Variants in DENND5A observed in about 807,000 individuals in gnomAD.
DENND5A encodes the protein DENN domain-containing protein 5A.
In DENND5A, 64 loss-of-function variants were observed where a neutral mutation model predicts 140.3. The observed-to-expected ratio is 0.46, with a 90% confidence interval of 0.37 to 0.56. The LOEUF is 0.56. DENND5A is among the 20% of genes least tolerant of loss of function. The pLI, the probability that DENND5A is intolerant of heterozygous loss-of-function variation, is 0.00. For synonymous variants in DENND5A, 605 were observed against 607.7 expected, an observed-to-expected ratio of 1.00 and a Z score of 0.07; for missense variants, 1,292 against 1,593.8, an observed-to-expected ratio of 0.81 and a Z score of 3.22.
At chr11:9,261,885 T>C (rs1399751150) in intron 1 of DENND5A, among the ~76,000 whole-genome samples, 1 of 151,230 alleles carries the variant, frequency 6.6e-6, no homozygotes, top group African/African-American at 2.4e-5. Context: ...CTGCATACTC[T>C]AACAAAGGCC....
At chr11:9,187,631 A>G (rs1172007529) in intron 5 of DENND5A, among the ~76,000 whole-genome samples, 1 of 152,200 alleles carries the variant, frequency 6.6e-6, no homozygotes, top group African/African-American at 2.4e-5. Flanking sequence ...ATGGGGGAAA[A>G]GTAGGAAAAA....
At chr11:9,251,287 CAGT>C (rs773944041) in intron 1 of DENND5A, among the ~76,000 whole-genome samples, 9 of 152,122 alleles carry the variant, frequency 5.9e-5, no homozygotes, top group Non-Finnish European at 1.3e-4. Context: ...CCAGCTAGTT[CAGT>C]ACATAAAGTA....
chr11:9,243,700 A>G (rs762303004), intron 1 of DENND5A, among the ~76,000 whole-genome samples: 3 of 152,154 alleles, frequency 2.0e-5, no homozygotes, highest in Non-Finnish European at 4.4e-5. Context: ...AGCCTGGCCA[A>G]TATGGTGAAA....
intron 16 of DENND5A, 28 bp downstream of exon 16, chr11:9,147,002 G>A: frequency 6.2e-7 from 1 of 1,613,766 alleles, no homozygotes; most frequent in Non-Finnish European, 8.5e-7. Context: ...GCCTTGAGAA[G>A]GCCAGCTGGG....
chr11:9,232,390 A>T (rs968291521), intron 1 of DENND5A, among the ~76,000 whole-genome samples: 1 of 152,132 alleles, frequency 6.6e-6, no homozygotes, highest in Non-Finnish European at 1.5e-5. Context: ...ATCAATAAAG[A>T]AAAAAAGATC....
At chr11:9,165,469 T>G (rs1327305524) in intron 11 of DENND5A, among the ~76,000 whole-genome samples, 2 of 152,008 alleles carry the variant, frequency 1.3e-5, no homozygotes. Context: ...AGACAGAGTC[T>G]CGCTCTGTTG....
rs140840397 is a variant in DENND5A, at chr11:9,154,728, GA to G, written c.2437-2287del. On this transcript the variant is annotated intron_variant, in intron 12 of 22. Transcript: ENST00000328194. ...TTATTCATCCAAATAACAAATATTT[GA>G]AAAAAAAAATGTCTAACAACATTAA... 5.2e-3 allele frequency among the ~76,000 whole-genome samples: 752 copies of G among 144,888 alleles called. 5 individuals carry two copies. Among genetic ancestry groups the G allele is most frequent in the African/African-American group, 0.012 (468 of 39,728 alleles).
rs761574148 is a variant in DENND5A, at chr11:9,165,004, C to CT, written c.2283+831dup. Among the ~76,000 whole-genome samples the CT allele has an allele frequency of 2.0e-4, 31 of 151,940 alleles. No homozygotes were observed. In the South Asian group the frequency reaches 3.7e-3, roughly 18 times the overall value. On this transcript the variant is annotated intron_variant, in intron 11 of 22. Transcript: ENST00000328194. ...TTAAAAACTACATCTCTCTGTTGTTCTTTTTTTTGTTTTGAGATGGAGTCT... is the reference window on the plus strand; with the variant it reads ...TTAAAAACTACATCTCTCTGTTGTTCTTTTTTTTTGTTTTGAGATGGAGTCT...
chr11:9,162,218 C>T (rs1430584199), intron 11 of DENND5A, among the ~76,000 whole-genome samples: 1 of 149,140 alleles, frequency 6.7e-6, no homozygotes, highest in Non-Finnish European at 1.5e-5. Flanking sequence ...ATGACCAGCG[C>T]CAGGCCAGTT....
intron 22 of DENND5A, among the ~76,000 whole-genome samples, chr11:9,141,599 T>C (rs57052969): frequency 0.045 from 6,832 of 152,228 alleles, 499 homozygotes; most frequent in African/African-American, 0.15. Context: ...AATGAAGGAA[T>C]ACTGTGCTGA....
chr11:9,145,165 C>A (rs775216978), intron 17 of DENND5A, 52 bp from the exon 18 acceptor site: 4 of 1,349,404 alleles, frequency 3.0e-6, no homozygotes, highest in Non-Finnish European at 4.3e-6. Context: ...GAGAAAAGAA[C>A]AGTAGTTCTC....
intron 17 of DENND5A, chr11:9,145,357 G>A: frequency 1.7e-6 from 1 of 582,868 alleles, no homozygotes; most frequent in East Asian, 2.8e-5. Context: ...TTCTGGAAGT[G>A]GGTTCTGAGG....
chr11:9,261,777 C>CAGA (rs368940237), intron 1 of DENND5A, among the ~76,000 whole-genome samples: 6 of 89,822 alleles, frequency 6.7e-5, no homozygotes, highest in Non-Finnish European at 1.2e-4. Context: ...GACTGTGTCT[C>CAGA]AAAAAAAAAA....
chr11:9,221,802 G>T (rs1850323222), intron 1 of DENND5A, among the ~76,000 whole-genome samples: 1 of 151,992 alleles, frequency 6.6e-6, no homozygotes, highest in South Asian at 2.1e-4. Context: ...CTGTCACCCA[G>T]GCCGGAGTAC....
chr11:9,139,921 C>A, intron 22 of DENND5A, 67 bp from the exon 23 acceptor site: 1 of 1,481,628 alleles, frequency 6.7e-7, no homozygotes, highest in Admixed American at 1.8e-5. Context: ...AGCGTTAGTG[C>A]AAGGCCAAGG....
At chr11:9,144,949 T>G (rs1847375275) in intron 18 of DENND5A, 46 bp downstream of exon 18, 1 of 1,356,880 alleles carries the variant, frequency 7.4e-7, no homozygotes, top group Non-Finnish European at 1.1e-6. Context: ...AGAGCTCCTG[T>G]AGATACACCT....
chr11:9,164,928 G>A lies in DENND5A; in HGVS notation c.2283+908C>T, dbSNP rs573645560. 4.6e-5 allele frequency among the ~76,000 whole-genome samples: 7 copies of A among 152,270 alleles called. No individual in the cohort carries two copies. In the South Asian group the frequency reaches 1.5e-3, roughly 32 times the overall value. ...TCACTTAAGCCCAGGACTTCAAGGC[G>A]AGCCTGGGCAATATAGTGAGATCCT... On this transcript the variant is annotated intron_variant, in intron 11 of 22. Transcript: ENST00000328194.
chr11:9,204,280 G>C lies in DENND5A; in HGVS notation c.329C>G (p.Ala110Gly). ...ATGGAATTGGGGCTCCCTGGGATCA[G>C]CCTGGGTCTTGAATGCCAGCCCTTT... ...MPKGLAFKTQADPREPQFHAF... is the reference protein window; with the variant it reads ...MPKGLAFKTQGDPREPQFHAF... The change falls in exon 4 of 23, where the codon GCT becomes GGT. Residue 110 changes from alanine to glycine, a missense_variant. This residue lies in a region of DENND5A where 566 missense variants were observed against 650.4 expected (regional missense o/e 0.87). Coordinates refer to ENST00000328194, the MANE Select transcript of DENND5A (RefSeq NM_015213.4). 1 of 1,613,264 alleles carries C rather than the reference G, an allele frequency of 6.2e-7. No homozygotes were observed. The highest frequency in any genetic ancestry group is 8.5e-7 in the Non-Finnish European group (1 of 1,180,000).
At chr11:9,240,957 AAATTTGGAAGTTCTTTC>A (rs1851210433) in intron 1 of DENND5A, among the ~76,000 whole-genome samples, 1 of 152,188 alleles carries the variant, frequency 6.6e-6, no homozygotes, top group Non-Finnish European at 1.5e-5. Context: ...AAGCAGTCCA[AAATTTGGAAGTTCTTTC>A]ATGTGAATAG....
Sources: allele counts gnomAD v4.1 joint callset (sites outside exome capture counted in the v4.1 genomes callset), GRCh38; gene constraint gnomAD v4.1.1; regional missense constraint gnomAD v4.1.1; transcripts MANE v1.5; gene names NCBI Gene and HGNC (gene_info 2026-07-23, HGNC 2026-07-21).